Variants in PSAP observed in about 807,000 individuals in gnomAD.
PSAP encodes the protein prosaposin, also known as precursor of saposins.
A neutral mutation model predicts 66.0 loss-of-function variants in PSAP; 25 were observed. The observed-to-expected ratio is 0.38, with a 90% CI of 0.28 to 0.53. PSAP has a LOEUF of 0.53. Ranked by LOEUF, PSAP falls within the 20% of genes least tolerant of loss-of-function variation. The probability of loss-of-function intolerance (pLI) is 0.83; values close to 1 mark genes in which losing one functional copy is unlikely to be tolerated. For synonymous variants in PSAP, 273 were observed against 258.9 expected (o/e 1.05, Z -0.52); for missense variants, 649 against 668.8 (o/e 0.97, Z 0.33).
At chr10:71,848,072 AC>A (rs1812774995) in intron 1 of PSAP, among the ~76,000 whole-genome samples, 1 of 152,084 alleles carries the variant, frequency 6.6e-6, no homozygotes. Context: ...TCCTTTTTCC[AC>A]CAGAGGACTC....
chr10:71,848,695 G>C (rs866290171), intron 1 of PSAP, among the ~76,000 whole-genome samples: 1 of 152,136 alleles, frequency 6.6e-6, no homozygotes, highest in African/African-American at 2.4e-5. Flanking sequence ...AGTGCCTCTC[G>C]GGCAGCAGAC....
intron 7 of PSAP, among the ~76,000 whole-genome samples, chr10:71,823,378 AG>A (rs1333396856): frequency 6.6e-6 from 1 of 152,260 alleles, no homozygotes; most frequent in Non-Finnish European, 1.5e-5. Flanking sequence ...TCCAACAGCC[AG>A]GAACAGTCTG....
At chr10:71,823,347 G>T (rs1420269100) in intron 7 of PSAP, among the ~76,000 whole-genome samples, 1 of 152,202 alleles carries the variant, frequency 6.6e-6, no homozygotes, top group Non-Finnish European at 1.5e-5. Flanking sequence ...ACAATCAAGA[G>T]ATTGTTTCCA....
intron 7 of PSAP, 133 bp downstream of exon 7, chr10:71,825,704 G>C: frequency 2.5e-6 from 2 of 797,772 alleles, no homozygotes. Context: ...CTAGCCAGAG[G>C]GGTCGATTTA....
intron 6 of PSAP, 98 bp downstream of exon 6, chr10:71,827,916 A>T (rs1051512780): frequency 6.6e-7 from 1 of 1,526,690 alleles, no homozygotes; most frequent in African/African-American, 1.4e-5. Context: ...GCTTTCTGGG[A>T]AAAAAGAGAA....
chr10:71,831,603 T>C (rs1224048241), intron 3 of PSAP, among the ~76,000 whole-genome samples: 19 of 152,234 alleles, frequency 1.2e-4, no homozygotes, highest in Non-Finnish European at 2.6e-4. Context: ...AGCTTATTTC[T>C]GTACAACCCA....
rs189334063 is a variant in PSAP, at chr10:71,818,773, C to T, written c.1432-49G>A. ...AGAAAGGGGGAGAATGAGAGCTGCC[C>T]GATGTATCGCTTTCAAAACTAAGAA... On this transcript the variant is annotated intron_variant, in intron 12 of 13. Transcript: ENST00000394936. 989 of 1,455,690 alleles carry T rather than the reference C, an allele frequency of 6.8e-4. 4 individuals are homozygous for T. The Middle Eastern group carries it at 0.012, about 18-fold the overall frequency. The allele number at this position is 1,455,690 out of a possible 1,614,324, so 90.2% of individuals were successfully genotyped here. A position where few individuals can be genotyped will look rare whatever the true frequency, so the allele number is the denominator to read the frequency against.
intron 13 of PSAP, 137 bp from the exon 14 acceptor site, chr10:71,817,613 A>G (rs770075056): frequency 1.2e-6 from 1 of 841,820 alleles, no homozygotes; most frequent in Non-Finnish European, 2.1e-6. Context: ...GATGCTGAAG[A>G]CCCAGGACAG....
intron 1 of PSAP, among the ~76,000 whole-genome samples, chr10:71,844,209 CT>C (rs1458429181): frequency 1.3e-5 from 2 of 152,232 alleles, no homozygotes; most frequent in Non-Finnish European, 2.9e-5. Context: ...TTTGAGAGCA[CT>C]TCTACAATTG....
rs762213633 is a variant in PSAP, at chr10:71,816,354, C to A, written c.*1087G>T. On this transcript the variant is annotated 3_prime_UTR_variant, in exon 14 of 14. Transcript: ENST00000394936. ...AGAAACTTTAGTGCAAAACAAAAAT[C>A]ACGAAGTCCATTTAATAGCAACTTC... The A allele has an allele frequency of 2.4e-5, 11 of 465,124 alleles. No homozygotes were observed. The highest frequency in any genetic ancestry group is 1.7e-4 in the South Asian group (11 of 64,502). The allele number at this position is 465,124 out of a possible 1,614,324, so 28.8% of individuals were successfully genotyped here. A position where few individuals can be genotyped will look rare whatever the true frequency, so the allele number is the denominator to read the frequency against.
chr10:71,836,980 A>G (rs2133056776), intron 1 of PSAP, among the ~76,000 whole-genome samples: 1 of 152,326 alleles, frequency 6.6e-6, no homozygotes, highest in Middle Eastern at 3.4e-3. Flanking sequence ...AGCTAATACA[A>G]ACTGACTGTC....
chr10:71,817,451 AC>A lies in PSAP; in HGVS notation c.1564del (p.Val522CysfsTer37). Reference protein sequence around the residue: ...CNAVEHCKRHVWN With the variant: ...CNAVEHCKRHXWN ...GGAATATTCCTCCTCCTAGTTCCAC[AC>A]ATGGCGTTTGCAATGCTCGACAGCC... is the stretch of plus-strand genomic sequence containing the variant. On this transcript the variant is annotated frameshift_variant, in exon 14 of 14. Coordinates refer to ENST00000394936, the MANE Select transcript of PSAP (RefSeq NM_002778.4). LOFTEE classifies it high-confidence loss of function. 1.9e-6 allele frequency: 3 copies of A among 1,614,202 alleles called. No homozygotes were observed. The highest frequency in any genetic ancestry group is 2.5e-6 in the Non-Finnish European group (3 of 1,180,016).
rs535249844 is a variant in PSAP at position 71,816,516 on chromosome 10, C to A, written c.*925G>T. On this transcript the variant is annotated 3_prime_UTR_variant, in exon 14 of 14. Coordinates refer to ENST00000394936, the MANE Select transcript of PSAP (RefSeq NM_002778.4). ...ACACCCAGCAGACCCTTCGGCATGC[C>A]GCCCTCTACCAGGAAGCCAGAGGCC... is the stretch of plus-strand genomic sequence containing the variant. 2 of 459,448 alleles carry A rather than the reference C, an allele frequency of 4.4e-6. No individual in the cohort carries two copies. The highest frequency in any genetic ancestry group is 4.6e-6 in the Non-Finnish European group (1 of 217,224). The allele number at this position is 459,448 out of a possible 1,614,324, so 28.5% of individuals were successfully genotyped here.
intron 3 of PSAP, 33 bp from the exon 4 acceptor site, chr10:71,831,284 A>G: frequency 6.2e-7 from 1 of 1,611,524 alleles, no homozygotes; most frequent in Non-Finnish European, 8.5e-7. Context: ...GAATCACGAT[A>G]GGCTTTCCTC....
At chr10:71,833,031 AC>A (rs369643448) in intron 2 of PSAP, among the ~76,000 whole-genome samples, 6,301 of 134,588 alleles carry the variant, frequency 0.047, 776 homozygotes, top group African/African-American at 0.13. Flanking sequence ...AAAAAAAAAA[AC>A]AAAAAACAAA....
chr10:71,822,776 C>T (rs551025052), intron 7 of PSAP: 1 of 353,986 alleles, frequency 2.8e-6, no homozygotes, highest in East Asian at 7.8e-5. Flanking sequence ...CAGCACCAAA[C>T]CCTAAAGCAG....
At position 71,824,258 on chromosome 10, in the gene PSAP, G is replaced by A. The variant is rs192433457; in HGVS notation, c.777+1579C>T. 1.2e-3 allele frequency among the ~76,000 whole-genome samples: 182 copies of A among 152,262 alleles called. 4 individuals are homozygous for A. Among genetic ancestry groups the A allele is most frequent in the Admixed American group, 1.0e-2 (153 of 15,302 alleles). Reference sequence around the variant, plus strand: ...ATACTCAGGAGCCCACACTGGCCCCGGGCCCACAAGGCTTTCCCACAGGTT... The same window carrying A: ...ATACTCAGGAGCCCACACTGGCCCCAGGCCCACAAGGCTTTCCCACAGGTT... On this transcript the variant is annotated intron_variant, in intron 7 of 13. Coordinates refer to ENST00000394936, the MANE Select transcript of PSAP (RefSeq NM_002778.4).
chr10:71,819,442 C>G (rs1237942175), intron 11 of PSAP, 23 bp downstream of exon 11: 1 of 1,613,492 alleles, frequency 6.2e-7, no homozygotes, highest in African/African-American at 1.3e-5. Flanking sequence ...TGCTGGCCTA[C>G]CGCAGCCCAG....
intron 1 of PSAP, among the ~76,000 whole-genome samples, chr10:71,836,799 G>A (rs930056857): frequency 6.6e-6 from 1 of 152,140 alleles, no homozygotes; most frequent in Admixed American, 6.5e-5. Context: ...GAGTGTTTCC[G>A]GAACACAACA....
Sources: gnomAD v4.1 joint callset for allele counts (sites outside exome capture counted in the v4.1 genomes callset) on GRCh38, gnomAD v4.1.1 for gene constraint, MANE v1.5 for transcripts, NCBI Gene and HGNC (gene_info 2026-07-23, HGNC 2026-07-21) for gene names.